The following QTMAN variants were observed in gnomAD, a reference collection of about 807,000 sequenced individuals.
QTMAN encodes tRNA-queuosine alpha-mannosyltransferase.
the QTMAN span, among the ~76,000 whole-genome samples, chr2:144,235,967 G>GTAA: frequency 6.6e-6 from 1 of 150,904 alleles, no homozygotes; most frequent in Non-Finnish European, 1.5e-5. Context: ...CTGTAACTCA[G>GTAA]TAATAATAAT....
chr2:143,973,783 C>T, the QTMAN span, among the ~76,000 whole-genome samples: 31 of 144,818 alleles, frequency 2.1e-4, no homozygotes, highest in African/African-American at 6.8e-4. Flanking sequence ...AGCGAAACTC[C>T]GTCTCAAAAA....
At chr2:144,220,950 A>G in the QTMAN span, among the ~76,000 whole-genome samples, 6 of 152,218 alleles carry the variant, frequency 3.9e-5, no homozygotes, top group African/African-American at 1.4e-4. Flanking sequence ...AATTTAAAAT[A>G]TCAGATAAAC....
chr2:144,172,931 T>G, the QTMAN span, among the ~76,000 whole-genome samples: 12 of 152,070 alleles, frequency 7.9e-5, no homozygotes, highest in African/African-American at 2.9e-4. Flanking sequence ...AAATGAAGCT[T>G]CTTGCTTCTT....
chr2:144,129,400 T>C, the QTMAN span, among the ~76,000 whole-genome samples: 12 of 152,052 alleles, frequency 7.9e-5, 1 homozygote, highest in Middle Eastern at 6.8e-3. Flanking sequence ...CATGAAAATA[T>C]ACAGGAGAGA....
the QTMAN span, among the ~76,000 whole-genome samples, chr2:143,949,825 AG>A: frequency 6.6e-6 from 1 of 151,432 alleles, no homozygotes; most frequent in Non-Finnish European, 1.5e-5. Flanking sequence ...ATTATTATAA[AG>A]GTTTAGAAGG....
At chr2:143,965,648 T>C in the QTMAN span, among the ~76,000 whole-genome samples, 31 of 152,174 alleles carry the variant, frequency 2.0e-4, no homozygotes, top group African/African-American at 6.8e-4. Context: ...TACCACAGAA[T>C]GTTTAGCAGC....
At chr2:144,133,471 T>TATTATATA in the QTMAN span, among the ~76,000 whole-genome samples, 75 of 65,942 alleles carry the variant, frequency 1.1e-3, no homozygotes, top group African/African-American at 4.5e-3. Context: ...ATATTATATA[T>TATTATATA]TATATAATAT....
the QTMAN span, among the ~76,000 whole-genome samples, chr2:144,150,482 CTT>C: frequency 6.6e-6 from 1 of 151,988 alleles, no homozygotes; most frequent in African/African-American, 2.4e-5. Context: ...GAGGAACTAA[CTT>C]TTAAATTTAA....
chr2:144,221,332 A>G, the QTMAN span, among the ~76,000 whole-genome samples: 2 of 152,244 alleles, frequency 1.3e-5, no homozygotes, highest in Non-Finnish European at 2.9e-5. Flanking sequence ...CCAATTAAAA[A>G]CAATCAAAAT....
the QTMAN span, among the ~76,000 whole-genome samples, chr2:144,314,405 G>A: frequency 0.018 from 2,689 of 152,190 alleles, 83 homozygotes; most frequent in African/African-American, 0.061. Flanking sequence ...GAAAGGGAAG[G>A]CCTGATAGAA....
chr2:144,325,783 A>G, the QTMAN span, among the ~76,000 whole-genome samples: 1 of 152,236 alleles, frequency 6.6e-6, no homozygotes, highest in Non-Finnish European at 1.5e-5. Flanking sequence ...CCTTCATGAG[A>G]AACTTAATTC....
the QTMAN span, among the ~76,000 whole-genome samples, chr2:144,156,118 A>T: frequency 6.6e-6 from 1 of 152,086 alleles, no homozygotes; most frequent in East Asian, 1.9e-4. Context: ...GCTTTACTCT[A>T]TTGAGTTACT....
chr2:144,316,296 A>T, the QTMAN span, among the ~76,000 whole-genome samples: 4 of 152,036 alleles, frequency 2.6e-5, no homozygotes, highest in Non-Finnish European at 4.4e-5. Flanking sequence ...CTTTCCAAGA[A>T]GATGATATTT....
the QTMAN span, among the ~76,000 whole-genome samples, chr2:144,225,153 A>G: frequency 6.6e-6 from 1 of 152,232 alleles, no homozygotes. Flanking sequence ...AAAATGGTAT[A>G]GGTAGAAGGA....
At chr2:143,938,220 G>A in the QTMAN span, 2 of 152,058 alleles carry the variant, frequency 1.3e-5, no homozygotes, top group African/African-American at 4.8e-5. Context: ...GGCTCAAATG[G>A]AAAAAGGAGA....
At chr2:144,022,555 TCTC>T in the QTMAN span, among the ~76,000 whole-genome samples, 1 of 143,272 alleles carries the variant, frequency 7.0e-6, no homozygotes, top group African/African-American at 2.7e-5. Flanking sequence ...TCTCTCTCTC[TCTC>T]TCTTTTTTTT....
the QTMAN span, among the ~76,000 whole-genome samples, chr2:144,092,478 A>T: frequency 4.4e-4 from 67 of 152,100 alleles, no homozygotes; most frequent in African/African-American, 1.6e-3. Flanking sequence ...CCTGGCCAAA[A>T]CTGTACATCT....
At chr2:144,013,972 G>A in the QTMAN span, among the ~76,000 whole-genome samples, 1 of 152,034 alleles carries the variant, frequency 6.6e-6, no homozygotes, top group Non-Finnish European at 1.5e-5. Context: ...TAAAAATTTT[G>A]ATATGGCATT....
At chr2:144,270,100 G>T in the QTMAN span, among the ~76,000 whole-genome samples, 4 of 152,040 alleles carry the variant, frequency 2.6e-5, no homozygotes, top group African/African-American at 9.7e-5. Context: ...GACATATTTA[G>T]TTGTGAATGT....
Sources: gnomAD v4.1 joint callset for allele counts (sites outside exome capture counted in the v4.1 genomes callset) on GRCh38, gnomAD v4.1.1 for gene constraint, MANE v1.5 for transcripts, NCBI Gene and HGNC (gene_info 2026-07-23, HGNC 2026-07-21) for gene names.